The following TIGD2 variants were observed in gnomAD, a reference collection of about 807,000 sequenced individuals.
The protein encoded by TIGD2 is tigger transposable element derived 2.
TIGD2 carries 14 observed loss-of-function variants against 27.0 expected under a neutral mutation model. The ratio of observed to expected loss-of-function variants is 0.52; its 90% CI spans 0.34 to 0.81. The LOEUF (loss-of-function observed/expected upper bound fraction) is 0.81, where lower values mean the gene tolerates loss of function less well. Among genes scored for constraint, TIGD2 ranks in the 30% least tolerant of loss-of-function variants. The pLI is 0.01. For synonymous variants in TIGD2, 201 were observed against 209.0 expected, an observed-to-expected ratio of 0.96 and a Z score of 0.33; for missense variants, 590 against 617.3, an observed-to-expected ratio of 0.96 and a Z score of 0.47.
In TIGD2 at chr4:89,111,617, C is replaced by T. The variant is rs1721073608; in HGVS notation, c.-1175C>T. On this transcript the variant is annotated 5_prime_UTR_variant, in exon 1 of 2. Transcript: ENST00000603357. ...CTGCCGGGCCACCAGTGCCAGCCTG[C>T]CTCAGGAGACTCCATTTGCGCTTAG... The T allele has an allele frequency of 1.3e-5, 2 of 152,538 alleles. No homozygotes were observed. Among genetic ancestry groups the T allele is most frequent in the South Asian group, 2.1e-4 (1 of 4,836 alleles). 9.4% of individuals were successfully genotyped at this position (152,538 alleles called of 1,614,324 possible).
In TIGD2 at chr4:89,114,115, A is replaced by T; in HGVS notation, c.1141A>T (p.Ile381Leu). The T allele has an allele frequency of 6.2e-7, 1 of 1,614,200 alleles. No individual in the cohort carries two copies. Among genetic ancestry groups the T allele is most frequent in the Non-Finnish European group, 8.5e-7 (1 of 1,180,016 alleles). ...RAWNMVKSST[I>L]TKAWKKLFPG... ...TTGGAACATGGTAAAATCAAGTACC[A>T]TAACCAAAGCATGGAAAAAACTTTT... The change falls in exon 2 of 2, where the codon ATA (isoleucine) becomes TTA (leucine). Residue 381 changes from isoleucine to leucine, a missense_variant. By Grantham distance (5) the Ile-to-Leu change is conservative. Around this residue, in one of 3 missense-constraint regions of TIGD2, gnomAD observed 451 missense variants for 448.0 expected, o/e 1.01. Coordinates refer to ENST00000603357, the MANE Select transcript of TIGD2 (RefSeq NM_145715.3).
Position 89,114,377 on chromosome 4 carries a change from CAG to C in TIGD2, c.1405_1406del (p.Glu469ThrfsTer8), listed in dbSNP as rs1317320437. 3 of 1,614,048 alleles carry C rather than the reference CAG, an allele frequency of 1.9e-6. No homozygotes were observed. The highest frequency in any genetic ancestry group is 2.2e-5 in the East Asian group (1 of 44,876). ...AAGCCTTCCAGTAAGAGTAGAAAAA[CAG>C]AACTGAATCCAGAGAAGCATATTAG... On this transcript the variant is annotated frameshift_variant, in exon 2 of 2. Transcript: ENST00000603357. LOFTEE classifies it high-confidence loss of function.
At position 89,114,070 on chromosome 4, in the gene TIGD2, A is replaced by G. The variant is rs148935770; in HGVS notation, c.1096A>G (p.Ile366Val). ...GAAGAACTTGACAGTGTTGGATGCA[A>G]TTTATGAAGTGTCAAGAGCTTGGAA... ...FWKNLTVLDAIYEVSRAWNMV... is the reference protein window; with the variant it reads ...FWKNLTVLDAVYEVSRAWNMV... The change falls in exon 2 of 2, where the codon ATT (isoleucine) becomes GTT (valine). Residue 366 changes from isoleucine (I) to valine (V), a missense_variant. Transcript: ENST00000603357. The G allele has an allele frequency of 1.3e-4, 202 of 1,614,148 alleles. No individual in the cohort carries two copies. The African/African-American group carries it at 2.4e-3, about 19-fold the overall frequency.
Position 89,114,148 on chromosome 4 carries a change from A to C in TIGD2, c.1174A>C (p.Asn392His). The change falls in exon 2 of 2, where the codon AAT becomes CAT. Residue 392 changes from asparagine (N) to histidine (H), a missense_variant. Transcript: ENST00000603357. ...TKAWKKLFPG[N>H]EENSGMNIDE... ...AGCATGGAAAAAACTTTTCCCTGGC[A>C]ATGAAGAGAATTCAGGTATGAACAT... The C allele has an allele frequency of 6.2e-7, 1 of 1,614,126 alleles. No homozygotes were observed. Among genetic ancestry groups the C allele is most frequent in the African/African-American group, 1.3e-5 (1 of 75,056 alleles).
rs756647932 is a variant in TIGD2, at chr4:89,114,013, A to G, written c.1039A>G (p.Met347Val). ...TCGAGCAGGACTTCTCCAGAAATAC[A>G]TGGATGAAGGAAATGACCCAAAAAT... ...YYRAGLLQKY[M>V]DEGNDPKIFW... Residue 347 changes from methionine (M) to valine (V), a missense_variant, in exon 2 of 2, where the codon ATG (methionine) becomes GTG (valine). Physicochemically the swap from Met to Val is conservative, Grantham distance 21. Transcript: ENST00000603357. 2.2e-5 allele frequency: 36 copies of G among 1,614,096 alleles called. No homozygotes were observed. The highest frequency in any genetic ancestry group is 2.7e-5 in the Non-Finnish European group (32 of 1,180,022).
Position 89,113,622 on chromosome 4 carries a change from T to C in TIGD2, c.648T>C (p.Asn216=), listed in dbSNP as rs752730394. The C allele has an allele frequency of 6.2e-7, 1 of 1,614,156 alleles. No individual in the cohort carries two copies. Among genetic ancestry groups the C allele is most frequent in the East Asian group, 2.2e-5 (1 of 44,886 alleles). ...GAATCATCATTATGTGTTGCGCAAATGCCACAGGTTTACACAAACTTAATC... is the reference window on the plus strand; with the variant it reads ...GAATCATCATTATGTGTTGCGCAAACGCCACAGGTTTACACAAACTTAATC... The part of the protein sequence containing the change: ...RERIIIMCCA[N]ATGLHKLNLC... Residue 216 remains asparagine, a synonymous_variant, in exon 2 of 2, where the codon AAT becomes AAC. Coordinates refer to ENST00000603357, the MANE Select transcript of TIGD2 (RefSeq NM_145715.3).
chr4:89,114,392 A>C lies in TIGD2; in HGVS notation c.1418A>C (p.Glu473Ala). The change falls in exon 2 of 2, where the codon GAG becomes GCG. Residue 473 changes from glutamate (E) to alanine (A), a missense_variant. Coordinates refer to ENST00000603357, the MANE Select transcript of TIGD2 (RefSeq NM_145715.3). The part of the protein sequence containing the change: ...SKSRKTELNP[E>A]KHISHKAALE... Reference sequence around the variant, plus strand: ...AGTAGAAAAACAGAACTGAATCCAGAGAAGCATATTAGCCATAAAGCGGCA... The same window carrying C: ...AGTAGAAAAACAGAACTGAATCCAGCGAAGCATATTAGCCATAAAGCGGCA... 6.2e-7 allele frequency: 1 copy of C among 1,614,160 alleles called. No homozygotes were observed. The highest frequency in any genetic ancestry group is 8.5e-7 in the Non-Finnish European group (1 of 1,180,008).
rs756539688 is a variant in TIGD2 at position 89,114,141 on chromosome 4, C to T, written c.1167C>T (p.Phe389=). The change falls in exon 2 of 2, where the codon TTC becomes TTT. Residue 389 remains phenylalanine (F), a synonymous_variant. Coordinates refer to ENST00000603357, the MANE Select transcript of TIGD2 (RefSeq NM_145715.3). ...STITKAWKKL[F]PGNEENSGMN... ...TAACCAAAGCATGGAAAAAACTTTT[C>T]CCTGGCAATGAAGAGAATTCAGGTA... The T allele has an allele frequency of 6.2e-7, 1 of 1,614,088 alleles. No individual in the cohort carries two copies.
Position 89,114,819 on chromosome 4 carries a change from G to C in TIGD2, c.*267G>C. 1 of 325,160 alleles carries C rather than the reference G, an allele frequency of 3.1e-6. No homozygotes were observed. The highest frequency in any genetic ancestry group is 5.9e-6 in the Non-Finnish European group (1 of 168,444). 20.1% of individuals were successfully genotyped at this position (325,160 alleles called of 1,614,324 possible). A position where few individuals can be genotyped will look rare whatever the true frequency, so the allele number is the denominator to read the frequency against. ...AGGCCAGGGATCTTGTGTCTGTTGT[G>C]CCTGAATTTGGCGTGTCTAATAAAG... On this transcript the variant is annotated 3_prime_UTR_variant, in exon 2 of 2. Transcript: ENST00000603357.
rs779663213 is a variant in TIGD2 at position 89,113,666 on chromosome 4, C to G, written c.692C>G (p.Ala231Gly). 1 of 1,613,960 alleles carries G rather than the reference C, an allele frequency of 6.2e-7. No homozygotes were observed. Among genetic ancestry groups the G allele is most frequent in the South Asian group, 1.1e-5 (1 of 91,022 alleles). ...CTTAATCTTTGTGTTGTGGGGAAGG[C>G]CAAAAAGCCCCGAGCATTCAAAGGC... is the stretch of plus-strand genomic sequence containing the variant. ...HKLNLCVVGK[A>G]KKPRAFKGTD... Residue 231 changes from alanine (A) to glycine (G), a missense_variant, in exon 2 of 2, where the codon GCC becomes GGC. Physicochemically the swap from Ala to Gly is moderately conservative, Grantham distance 60 (BLOSUM62 0). This residue lies in a region of TIGD2 where 451 missense variants were observed against 448.0 expected (regional missense o/e 1.01). Coordinates refer to ENST00000603357, the MANE Select transcript of TIGD2 (RefSeq NM_145715.3).
rs1200618683 is a variant in TIGD2, at chr4:89,112,443, A to G, written c.-532A>G. 1 of 152,636 alleles carries G rather than the reference A, an allele frequency of 6.6e-6. No individual in the cohort carries two copies. Among genetic ancestry groups the G allele is most frequent in the African/African-American group, 2.4e-5 (1 of 41,436 alleles). 9.5% of individuals were successfully genotyped at this position (152,636 alleles called of 1,614,324 possible). On this transcript the variant is annotated 5_prime_UTR_variant, in exon 2 of 2. Coordinates refer to ENST00000603357, the MANE Select transcript of TIGD2 (RefSeq NM_145715.3). ...TATAGCAGAGTCCGTGCCTAGAGAG[A>G]CAGCATTCCATACAATCCACTGCTT...
At position 89,114,246 on chromosome 4, in the gene TIGD2, C is replaced by G. The variant is rs1223994206; in HGVS notation, c.1272C>G (p.Asp424Glu). Reference sequence around the variant, plus strand: ...ACACAGAAGAATGTGAACATGTTGACATTGAGAATATTGATCAGTGGTTCG... The same window carrying G: ...ACACAGAAGAATGTGAACATGTTGAGATTGAGAATATTGATCAGTGGTTCG... ...LQNTEECEHV[D>E]IENIDQWFDS... is the part of the protein sequence containing the mutation. The change falls in exon 2 of 2, where the codon GAC becomes GAG. Residue 424 changes from aspartate (D) to glutamate (E), a missense_variant. Physicochemically the swap from Asp to Glu is conservative, Grantham distance 45 (BLOSUM62 2). Around this residue, in one of 3 missense-constraint regions of TIGD2, gnomAD observed 451 missense variants for 448.0 expected, o/e 1.01. Coordinates refer to ENST00000603357, the MANE Select transcript of TIGD2 (RefSeq NM_145715.3). 1 of 1,614,006 alleles carries G rather than the reference C, an allele frequency of 6.2e-7. No individual in the cohort carries two copies. The highest frequency in any genetic ancestry group is 1.3e-5 in the African/African-American group (1 of 74,924).
rs890050484 is a variant in TIGD2, at chr4:89,111,843, C to G, written c.-949C>G. 1 of 152,226 alleles carries G rather than the reference C, an allele frequency of 6.6e-6. No homozygotes were observed. Among genetic ancestry groups the G allele is most frequent in the African/African-American group, 2.4e-5 (1 of 41,458 alleles). 9.4% of individuals were successfully genotyped at this position (152,226 alleles called of 1,614,324 possible). A position where few individuals can be genotyped will look rare whatever the true frequency, so the allele number is the denominator to read the frequency against. On this transcript the variant is annotated 5_prime_UTR_variant, in exon 1 of 2. Transcript: ENST00000603357. Reference sequence around the variant, plus strand: ...GAAGCTCGCCCAGCGGGGAGAGGCCCTCGCTAACACGGCTTCTCCCTGACC... The same window carrying G: ...GAAGCTCGCCCAGCGGGGAGAGGCCGTCGCTAACACGGCTTCTCCCTGACC...
chr4:89,114,782 A>G lies in TIGD2; in HGVS notation c.*230A>G. On this transcript the variant is annotated 3_prime_UTR_variant, in exon 2 of 2. Coordinates refer to ENST00000603357, the MANE Select transcript of TIGD2 (RefSeq NM_145715.3). The stretch of plus-strand genomic sequence containing the variant: ...GTTTCTAATATCTATTAATTAGATC[A>G]TAAGGTACCTGAGGCCAGGGATCTT... 2.3e-6 allele frequency: 1 copy of G among 431,814 alleles called. No individual in the cohort carries two copies. The highest frequency in any genetic ancestry group is 4.2e-6 in the Non-Finnish European group (1 of 237,688). 26.7% of individuals were successfully genotyped at this position (431,814 alleles called of 1,614,324 possible). A position where few individuals can be genotyped will look rare whatever the true frequency, so the allele number is the denominator to read the frequency against.
Position 89,113,249 on chromosome 4 carries a change from C to A in TIGD2, c.275C>A (p.Thr92Lys). 1 of 1,614,048 alleles carries A rather than the reference C, an allele frequency of 6.2e-7. No individual in the cohort carries two copies. The highest frequency in any genetic ancestry group is 1.1e-5 in the South Asian group (1 of 91,082). ...VMIEWFNQQK[T>K]DGIPVSGTIC... ...ATAGAGTGGTTTAACCAACAGAAAA[C>A]AGATGGGATTCCAGTGTCCGGAACG... The change falls in exon 2 of 2, where the codon ACA becomes AAA. Residue 92 changes from threonine (T) to lysine (K), a missense_variant. This residue lies in a region of TIGD2 where 47 missense variants were observed against 79.7 expected (regional missense o/e 0.59). Coordinates refer to ENST00000603357, the MANE Select transcript of TIGD2 (RefSeq NM_145715.3).
At position 89,114,396 on chromosome 4, in the gene TIGD2, G is replaced by A; in HGVS notation, c.1422G>A (p.Lys474=). 1 of 1,614,046 alleles carries A rather than the reference G, an allele frequency of 6.2e-7. No individual in the cohort carries two copies. Among genetic ancestry groups the A allele is most frequent in the Non-Finnish European group, 8.5e-7 (1 of 1,180,000 alleles). ...GAAAAACAGAACTGAATCCAGAGAA[G>A]CATATTAGCCATAAAGCGGCACTTG... ...KSRKTELNPE[K]HISHKAALEW... is the part of the protein sequence containing the mutation. The change falls in exon 2 of 2, where the codon AAG becomes AAA. Residue 474 remains lysine, a synonymous_variant. Coordinates refer to ENST00000603357, the MANE Select transcript of TIGD2 (RefSeq NM_145715.3).
chr4:89,113,682 A>G lies in TIGD2; in HGVS notation c.708A>G (p.Ala236=). ...TGGGGAAGGCCAAAAAGCCCCGAGC[A>G]TTCAAAGGCACTGACCTTTCAAACC... is the stretch of plus-strand genomic sequence containing the variant. The part of the protein sequence containing the change: ...CVVGKAKKPR[A]FKGTDLSNLP... Residue 236 remains alanine, a synonymous_variant, in exon 2 of 2, where the codon GCA becomes GCG. Transcript: ENST00000603357. 1.2e-6 allele frequency: 2 copies of G among 1,614,224 alleles called. No individual in the cohort carries two copies. The highest frequency in any genetic ancestry group is 1.7e-6 in the Non-Finnish European group (2 of 1,180,040).
rs879229486 is a variant in TIGD2, at chr4:89,113,765, A to G, written c.791A>G (p.Gln264Arg). 6.2e-7 allele frequency: 1 copy of G among 1,614,250 alleles called. No homozygotes were observed. The highest frequency in any genetic ancestry group is 1.1e-5 in the South Asian group (1 of 91,088). Residue 264 changes from glutamine to arginine, a missense_variant, in exon 2 of 2, where the codon CAG becomes CGG. Around this residue, in one of 3 missense-constraint regions of TIGD2, gnomAD observed 451 missense variants for 448.0 expected, o/e 1.01. Transcript: ENST00000603357. ...TGGATAGAACAGTCTGTTTTCAGAC[A>G]GTGGTTTGAAAAGTACTTTGTGCCA... ...GAWIEQSVFR[Q>R]WFEKYFVPQV...
Position 89,113,733 on chromosome 4 carries a change from A to G in TIGD2, c.759A>G (p.Lys253=), listed in dbSNP as rs750266573. 1.2e-6 allele frequency: 2 copies of G among 1,614,210 alleles called. No individual in the cohort carries two copies. The highest frequency in any genetic ancestry group is 8.5e-7 in the Non-Finnish European group (1 of 1,180,040). Residue 253 remains lysine, a synonymous_variant, in exon 2 of 2, where the codon AAA becomes AAG. Coordinates refer to ENST00000603357, the MANE Select transcript of TIGD2 (RefSeq NM_145715.3). ...TTCCTGTGACATATTACAGTCAAAAAGGTGCATGGATAGAACAGTCTGTTT... is the reference window on the plus strand; with the variant it reads ...TTCCTGTGACATATTACAGTCAAAAGGGTGCATGGATAGAACAGTCTGTTT... ...SNLPVTYYSQ[K]GAWIEQSVFR...
Sources: gnomAD v4.1 joint callset for allele counts on GRCh38, gnomAD v4.1.1 for gene constraint, gnomAD v4.1.1 regional missense constraint, MANE v1.5 for transcripts, NCBI Gene and HGNC (gene_info 2026-07-23, HGNC 2026-07-21) for gene names.